The following COL23A1 variants were observed in gnomAD, a reference collection of about 807,000 sequenced individuals.
COL23A1 encodes the protein collagen type XXIII alpha 1 chain, also known as collagen alpha-1(XXIII) chain.
Under a neutral mutation model 99.3 loss-of-function variants are expected in COL23A1, and 97 were observed. That is an observed-to-expected ratio of 0.98 (90% CI 0.83 to 1.16). The LOEUF is 1.16. COL23A1 is among the 50% of genes most tolerant of loss of function. The pLI, the probability that COL23A1 is intolerant of heterozygous loss-of-function variation, is 0.00. For missense variants in COL23A1, 762 were observed against 757.4 expected (o/e 1.01, Z -0.07); for synonymous variants, 320 against 308.2 (o/e 1.04, Z -0.40).
At chr5:178,498,492 TA>T in intron 2 of COL23A1, among the ~76,000 whole-genome samples, 1 of 150,916 alleles carries the variant, frequency 6.6e-6, no homozygotes, top group Admixed American at 6.6e-5. Flanking sequence ...TTTACTTCAA[TA>T]AAAAATGAGA....
chr5:178,305,308 C>T (rs1758291525), intron 3 of COL23A1, among the ~76,000 whole-genome samples: 1 of 64,176 alleles, frequency 1.6e-5, no homozygotes, highest in Non-Finnish European at 3.9e-5. Context: ...AGGAACTCGA[C>T]ACTGCAAACC....
chr5:178,303,676 G>A (rs1758191776), intron 3 of COL23A1, among the ~76,000 whole-genome samples: 1 of 152,230 alleles, frequency 6.6e-6, no homozygotes, highest in African/African-American at 2.4e-5. Context: ...GTAGGCACTG[G>A]CCAAGCAGTC....
chr5:178,560,518 C>T (rs1762502338), intron 2 of COL23A1, among the ~76,000 whole-genome samples, 164 bp downstream of exon 2: 1 of 152,176 alleles, frequency 6.6e-6, no homozygotes, highest in Non-Finnish European at 1.5e-5. Flanking sequence ...GGAAACCGAC[C>T]AGAGAGCCTG....
intron 6 of COL23A1, among the ~76,000 whole-genome samples, chr5:178,269,208 T>C (rs1056756897): frequency 2.1e-5 from 3 of 143,320 alleles, no homozygotes; most frequent in Non-Finnish European, 4.6e-5. Context: ...TCTTATTTCT[T>C]AAAAAAAAAA....
intron 2 of COL23A1, among the ~76,000 whole-genome samples, chr5:178,504,700 C>T (rs1758766399): frequency 6.6e-6 from 1 of 152,280 alleles, no homozygotes; most frequent in Non-Finnish European, 1.5e-5. Context: ...ATGTGTGAGG[C>T]GAAGTGCGCT....
rs559948630 is a variant in COL23A1 at position 178,291,657 on chromosome 5, A to G, written c.407-1288T>C. Among the ~76,000 whole-genome samples the G allele has an allele frequency of 3.9e-5, 6 of 152,228 alleles. No individual in the cohort carries two copies. The South Asian group carries it at 1.2e-3, about 32-fold the overall frequency. On this transcript the variant is annotated intron_variant, in intron 3 of 28. Coordinates refer to ENST00000390654, the MANE Select transcript of COL23A1 (RefSeq NM_173465.4). Reference sequence around the variant, plus strand: ...TCTAAGGGTGAAGGGGAGTCAGCGAAGGGCTCTGCAAGGAGGAGCGATGGG... The same window carrying G: ...TCTAAGGGTGAAGGGGAGTCAGCGAGGGGCTCTGCAAGGAGGAGCGATGGG...
chr5:178,556,517 G>T (rs1039429449), intron 2 of COL23A1, among the ~76,000 whole-genome samples: 1 of 151,902 alleles, frequency 6.6e-6, no homozygotes, highest in Admixed American at 6.6e-5. Flanking sequence ...CAGCTACTTG[G>T]GAGGCTGAGG....
At chr5:178,373,119 C>A (rs893793480) in intron 2 of COL23A1, among the ~76,000 whole-genome samples, 3 of 152,002 alleles carry the variant, frequency 2.0e-5, no homozygotes, top group African/African-American at 7.2e-5. Context: ...AGAAATCAAA[C>A]CCTTGGTAAA....
rs1764872152 is a variant in COL23A1, at chr5:178,249,101, C to T, written c.1149+16G>A. 5 of 1,612,366 alleles carry T rather than the reference C, an allele frequency of 3.1e-6. No homozygotes were observed. The highest frequency in any genetic ancestry group is 1.7e-4 in the Middle Eastern group (1 of 5,988). ...CACACAGGAGGCGTAATGTGTGGCC[C>T]AACCCAGCCACATACCGGGAGGCCG... On this transcript the variant is annotated intron_variant, in intron 19 of 28. Coordinates refer to ENST00000390654, the MANE Select transcript of COL23A1 (RefSeq NM_173465.4).
chr5:178,521,421 C>T (rs947531495), intron 2 of COL23A1, among the ~76,000 whole-genome samples: 1 of 152,092 alleles, frequency 6.6e-6, no homozygotes, highest in African/African-American at 2.4e-5. Flanking sequence ...GGCGTGGTGG[C>T]AGGCGCCTGT....
In COL23A1 at chr5:178,366,340, C is replaced by T. The variant is rs948639495; in HGVS notation, c.362-59421G>A. On this transcript the variant is annotated intron_variant, in intron 2 of 28. Transcript: ENST00000390654. This position sits in a 1 kb window ranked among gnomAD's most constrained non-coding sequence, Gnocchi z 4.4. ...GCTGCGTCCTCCATCCTCTGGTGCA[C>T]CAGGTTAGCTTGACTCCAGGTGCCC... 1.3e-5 allele frequency among the ~76,000 whole-genome samples: 2 copies of T among 152,220 alleles called. No individual in the cohort carries two copies. Among genetic ancestry groups the T allele is most frequent in the African/African-American group, 2.4e-5 (1 of 41,458 alleles).
chr5:178,279,051 C>T (rs1315272750), intron 5 of COL23A1, among the ~76,000 whole-genome samples: 4 of 152,132 alleles, frequency 2.6e-5, no homozygotes, highest in Admixed American at 6.5e-5. Flanking sequence ...ATCTGGAGCT[C>T]GGAGAGGCCA....
At chr5:178,257,491 AG>A (rs1277755772) in intron 13 of COL23A1, 31 bp downstream of exon 13, 1 of 1,561,558 alleles carries the variant, frequency 6.4e-7, no homozygotes, top group Admixed American at 1.9e-5. Context: ...AGGTGGGGGC[AG>A]GGGGCCACGA....
In COL23A1 at chr5:178,274,833, G is replaced by A. The variant is rs138032064; in HGVS notation, c.442-4470C>T. Among the ~76,000 whole-genome samples the A allele has an allele frequency of 3.5e-3, 538 of 152,310 alleles. 1 individual carries two copies. The highest frequency in any genetic ancestry group is 5.7e-3 in the Non-Finnish European group (387 of 68,016). On this transcript the variant is annotated intron_variant, in intron 5 of 28. Transcript: ENST00000390654. ...ACTGTGCCTGGAGATGCTCATGACT[G>A]TCCAGCTCGCTCCCCTGCCTGATCA...
At chr5:178,450,665 A>G (rs1262629580) in intron 2 of COL23A1, among the ~76,000 whole-genome samples, 1 of 152,218 alleles carries the variant, frequency 6.6e-6, no homozygotes, top group Non-Finnish European at 1.5e-5. Flanking sequence ...GGCTGAAATT[A>G]ACAGACATGT....
At chr5:178,273,713 T>C (rs1044574803) in intron 5 of COL23A1, among the ~76,000 whole-genome samples, 1 of 152,126 alleles carries the variant, frequency 6.6e-6, no homozygotes, top group Non-Finnish European at 1.5e-5. Context: ...GGATGACACC[T>C]GGGCAAGAAA....
chr5:178,403,323 G>A (rs1046976035), intron 2 of COL23A1, among the ~76,000 whole-genome samples: 1 of 152,084 alleles, frequency 6.6e-6, no homozygotes, highest in East Asian at 1.9e-4. Flanking sequence ...ACCCAGCAAC[G>A]GCTGAGCCAG....
intron 2 of COL23A1, among the ~76,000 whole-genome samples, chr5:178,496,428 C>T (rs1758204342): frequency 6.6e-6 from 1 of 152,174 alleles, no homozygotes; most frequent in South Asian, 2.1e-4. Context: ...CGGGAAGCCA[C>T]GCTCACTTAC....
intron 2 of COL23A1, among the ~76,000 whole-genome samples, chr5:178,432,667 A>C (rs1390484295): frequency 6.6e-6 from 1 of 152,168 alleles, no homozygotes; most frequent in Non-Finnish European, 1.5e-5. Context: ...GCCAGGAAGC[A>C]GGGAGAGGAT....
Sources: gnomAD v4.1 joint callset for allele counts (sites outside exome capture counted in the v4.1 genomes callset) on GRCh38, gnomAD v4.1.1 for gene constraint, Gnocchi (gnomAD v3.1) non-coding constraint, MANE v1.5 for transcripts, NCBI Gene and HGNC (gene_info 2026-07-23, HGNC 2026-07-21) for gene names.